Variants in GAREM1 observed in about 807,000 individuals in gnomAD.
GAREM1 encodes GRB2 associated regulator of MAPK1 subtype 1.
In GAREM1, 26 loss-of-function variants were observed where a neutral mutation model predicts 71.3. The ratio of observed to expected loss-of-function variants is 0.36; its 90% CI spans 0.27 to 0.51. GAREM1 has a LOEUF of 0.51. Among genes scored for constraint, GAREM1 ranks in the 20% least tolerant of loss-of-function variants. The probability of loss-of-function intolerance (pLI) is 0.95; values close to 1 mark genes in which losing one functional copy is unlikely to be tolerated. For missense variants in GAREM1, 1,026 were observed against 1,103.1 expected (o/e 0.93, Z 0.99); for synonymous variants, 440 against 433.2 (o/e 1.02, Z -0.20).
At chr18:32,418,771 G>C (rs2048490453) in intron 1 of GAREM1, among the ~76,000 whole-genome samples, 1 of 152,126 alleles carries the variant, frequency 6.6e-6, no homozygotes, top group Non-Finnish European at 1.5e-5. Context: ...GGCTCTTAAG[G>C]CCACAGATGG....
At position 32,268,174 on chromosome 18, in the gene GAREM1, G is replaced by A. The variant is rs778538443; in HGVS notation, c.2328C>T (p.Ile776=). The change falls in exon 6 of 6, where the codon ATC becomes ATT. Residue 776 remains isoleucine, a synonymous_variant. Transcript: ENST00000269209. ...ATGAGAAAGGGTAGGAGGCAGAGAA[G>A]ATGTCCTGCATGCCCTTTTTAACAA... The part of the protein sequence containing the change: ...QYFVKKGMQD[I]FSASYPFSSP... 2.9e-5 allele frequency: 47 copies of A among 1,614,040 alleles called. No individual in the cohort carries two copies. Among genetic ancestry groups the A allele is most frequent in the Middle Eastern group, 1.6e-4 (1 of 6,084 alleles).
At chr18:32,459,944 G>T (rs1448036376) in intron 1 of GAREM1, among the ~76,000 whole-genome samples, 2 of 152,110 alleles carry the variant, frequency 1.3e-5, no homozygotes, top group South Asian at 4.2e-4. Context: ...CTGTTATAAC[G>T]AGTGCTTTCT....
At chr18:32,350,494 G>C (rs950984589) in intron 2 of GAREM1, among the ~76,000 whole-genome samples, 1 of 152,124 alleles carries the variant, frequency 6.6e-6, no homozygotes, top group African/African-American at 2.4e-5. Context: ...AGATCCAAAG[G>C]CATTTAAGTT....
chr18:32,392,418 G>A (rs185996298), intron 2 of GAREM1, among the ~76,000 whole-genome samples: 7 of 152,236 alleles, frequency 4.6e-5, no homozygotes, highest in African/African-American at 9.6e-5. Context: ...TCAGTTGCCT[G>A]TAATCTAAAT....
chr18:32,289,276 C>A (rs567383623), intron 3 of GAREM1, among the ~76,000 whole-genome samples: 14 of 152,278 alleles, frequency 9.2e-5, no homozygotes, highest in African/African-American at 3.4e-4. Context: ...CTAATATGCA[C>A]TGCCCACTGT....
At chr18:32,416,514 T>C (rs549862251) in intron 1 of GAREM1, among the ~76,000 whole-genome samples, 108 of 152,144 alleles carry the variant, frequency 7.1e-4, no homozygotes, top group African/African-American at 2.6e-3. Flanking sequence ...GGTACTGGCA[T>C]AACAACAGAC....
At chr18:32,334,251 A>G (rs763893456) in intron 2 of GAREM1, among the ~76,000 whole-genome samples, 1 of 152,174 alleles carries the variant, frequency 6.6e-6, no homozygotes, top group Non-Finnish European at 1.5e-5. Flanking sequence ...CACATTTTCC[A>G]GGCAGTTCGG....
chr18:32,343,311 G>GTTTTTTTGTTTTTTTTTTTTTTTTTTTT (rs2047664721), intron 2 of GAREM1, among the ~76,000 whole-genome samples: 1 of 118,886 alleles, frequency 8.4e-6, no homozygotes, highest in African/African-American at 3.4e-5. Context: ...CTCCCCCACT[G>GTTTTTTTGTTTTTTTTTTTTTTTTTTTT]TTTTTTTTTT....
At chr18:32,282,202 C>T (rs1033804835) in intron 4 of GAREM1, among the ~76,000 whole-genome samples, 3 of 152,220 alleles carry the variant, frequency 2.0e-5, no homozygotes, top group East Asian at 1.9e-4. Context: ...TCTCTTCACA[C>T]GGACGTGCAT....
At chr18:32,395,591 T>C (rs1473599107) in intron 1 of GAREM1, among the ~76,000 whole-genome samples, 1 of 152,184 alleles carries the variant, frequency 6.6e-6, no homozygotes, top group East Asian at 1.9e-4. Flanking sequence ...AATGAGGGAA[T>C]GGGCAAAAAT....
intron 1 of GAREM1, among the ~76,000 whole-genome samples, chr18:32,431,007 T>C (rs1476490868): frequency 6.6e-6 from 1 of 152,068 alleles, no homozygotes; most frequent in Non-Finnish European, 1.5e-5. Flanking sequence ...TAAATTTGAG[T>C]ATGAATCCCT....
At chr18:32,317,383 C>A (rs657479) in intron 2 of GAREM1, among the ~76,000 whole-genome samples, 37,768 of 141,280 alleles carry the variant, frequency 0.27, 6,054 homozygotes, top group African/African-American at 0.45. Context: ...CCAGTGAGAG[C>A]GCTCTGTCAC....
At chr18:32,307,144 CATTCTT>C (rs944382991) in intron 3 of GAREM1, among the ~76,000 whole-genome samples, 1 of 152,154 alleles carries the variant, frequency 6.6e-6, no homozygotes, top group African/African-American at 2.4e-5. Context: ...CTTTATTTTA[CATTCTT>C]ATTAAGATTA....
Position 32,412,732 on chromosome 18 carries a change from C to T in GAREM1, c.122-19697G>A. On this transcript the variant is annotated intron_variant, in intron 1 of 5. Transcript: ENST00000269209. ...TCATGGTCGTCAAAGGTTACAAAGG[C>T]AAAGCCCCTTTTCTTGCCACTGCCT... is the stretch of plus-strand genomic sequence containing the variant. 2.8e-6 allele frequency: 4 copies of T among 1,425,260 alleles called. 1 individual carries two copies. The South Asian group carries it at 4.6e-5, about 16-fold the overall frequency. 88.3% of individuals were successfully genotyped at this position (1,425,260 alleles called of 1,614,324 possible).
chr18:32,314,717 T>C (rs112571761), intron 2 of GAREM1, among the ~76,000 whole-genome samples: 7,351 of 151,716 alleles, frequency 0.048, 599 homozygotes, highest in African/African-American at 0.17. Context: ...GCCTCCTGAG[T>C]AGCTGGGATT....
At chr18:32,412,075 T>C in intron 1 of GAREM1, 1 of 709,586 alleles carries the variant, frequency 1.4e-6, no homozygotes, top group South Asian at 1.5e-5. Flanking sequence ...TACACATGAG[T>C]ATTTGTCTAA....
intron 1 of GAREM1, among the ~76,000 whole-genome samples, chr18:32,450,628 T>C (rs2048827385): frequency 6.6e-6 from 1 of 152,212 alleles, no homozygotes; most frequent in African/African-American, 2.4e-5. Context: ...TTCTGACTCC[T>C]GAACTGAATT....
At chr18:32,343,500 C>T (rs944375027) in intron 2 of GAREM1, among the ~76,000 whole-genome samples, 3 of 151,814 alleles carry the variant, frequency 2.0e-5, no homozygotes, top group African/African-American at 7.3e-5. Flanking sequence ...TGAGTTTCAC[C>T]GTGTTGGCCA....
chr18:32,312,348 G>A (rs1239507848), intron 2 of GAREM1, among the ~76,000 whole-genome samples: 1 of 152,170 alleles, frequency 6.6e-6, no homozygotes, highest in Non-Finnish European at 1.5e-5. Context: ...AACCAAGAGG[G>A]ATGCATCCAA....
Sources: allele counts gnomAD v4.1 joint callset (sites outside exome capture counted in the v4.1 genomes callset), GRCh38; gene constraint gnomAD v4.1.1; transcripts MANE v1.5; gene names NCBI Gene and HGNC (gene_info 2026-07-23, HGNC 2026-07-21).